Variants in SYT1 observed in about 807,000 individuals in gnomAD.
The protein encoded by SYT1 is synaptotagmin-1.
In SYT1, 8 loss-of-function variants were observed where a neutral mutation model predicts 44.8. The observed-to-expected ratio is 0.18, with a 90% CI of 0.10 to 0.32. The LOEUF is 0.32. Among genes scored for constraint, SYT1 ranks in the 10% least tolerant of loss-of-function variants. The pLI, the probability that SYT1 is intolerant of heterozygous loss-of-function variation, is 1.00. For synonymous variants in SYT1, 154 were observed against 188.8 expected (o/e 0.82, Z 1.51); for missense variants, 286 against 509.3 (o/e 0.56, Z 4.22).
chr12:79,293,159 A>C (rs1318088352), intron 6 of SYT1, among the ~76,000 whole-genome samples: 3 of 146,212 alleles, frequency 2.1e-5, no homozygotes, highest in African/African-American at 7.6e-5. Context: ...AAAAATACAA[A>C]AAAAAAAAAA....
intron 1 of SYT1, among the ~76,000 whole-genome samples, chr12:78,919,661 GA>G (rs1211948756): frequency 6.6e-6 from 1 of 151,986 alleles, no homozygotes; most frequent in Non-Finnish European, 1.5e-5. Context: ...GGCTTCTAGT[GA>G]AGGCATTTCT....
intron 1 of SYT1, among the ~76,000 whole-genome samples, chr12:78,897,477 A>G (rs1477615210): frequency 6.6e-6 from 1 of 151,984 alleles, no homozygotes; most frequent in Non-Finnish European, 1.5e-5. Context: ...TCATCATTAC[A>G]TAAATTCTGC....
At chr12:79,149,333 T>A (rs559124046) in intron 3 of SYT1, among the ~76,000 whole-genome samples, 2 of 152,218 alleles carry the variant, frequency 1.3e-5, no homozygotes, top group South Asian at 4.1e-4. Context: ...GAGGTGAAAT[T>A]TCAAATGAAA....
At chr12:79,366,138 T>G (rs1565927737) in intron 9 of SYT1, among the ~76,000 whole-genome samples, 1 of 152,246 alleles carries the variant, frequency 6.6e-6, no homozygotes. Context: ...AGCACTGTCT[T>G]TAATGTAGTG....
intron 2 of SYT1, among the ~76,000 whole-genome samples, chr12:79,024,235 A>G (rs898330134): frequency 6.6e-6 from 1 of 151,694 alleles, no homozygotes; most frequent in African/African-American, 2.4e-5. Context: ...TTTGCTGGGT[A>G]ATGGGATTGA....
At chr12:79,295,791 A>T (rs1235762474) in intron 6 of SYT1, among the ~76,000 whole-genome samples, 1 of 152,190 alleles carries the variant, frequency 6.6e-6, no homozygotes, top group Non-Finnish European at 1.5e-5. Flanking sequence ...TTTTGCAAAA[A>T]TGAACTCCAT....
intron 4 of SYT1, among the ~76,000 whole-genome samples, chr12:79,269,022 A>T (rs1878277417): frequency 6.6e-6 from 1 of 151,972 alleles, no homozygotes; most frequent in Admixed American, 6.6e-5. Flanking sequence ...GCTTTGGAGC[A>T]TACCTCAGAA....
At chr12:78,918,258 G>A (rs1444261556) in intron 1 of SYT1, among the ~76,000 whole-genome samples, 2 of 152,024 alleles carry the variant, frequency 1.3e-5, no homozygotes, top group Non-Finnish European at 2.9e-5. Flanking sequence ...GATTCCTCCA[G>A]GGAAGAGGCC....
At chr12:78,904,133 A>G (rs1159811739) in intron 1 of SYT1, among the ~76,000 whole-genome samples, 1 of 152,104 alleles carries the variant, frequency 6.6e-6, no homozygotes, top group African/African-American at 2.4e-5. Flanking sequence ...TTTTGTTTTT[A>G]TAGTGAAATG....
intron 9 of SYT1, among the ~76,000 whole-genome samples, chr12:79,387,039 T>G (rs1884463472): frequency 6.6e-6 from 1 of 152,318 alleles, no homozygotes; most frequent in Middle Eastern, 3.4e-3. Context: ...GGAAATGAGC[T>G]TGAGATTGGA....
intron 3 of SYT1, among the ~76,000 whole-genome samples, chr12:79,154,435 GA>G (rs1165818051): frequency 1.3e-5 from 2 of 151,128 alleles, no homozygotes; most frequent in East Asian, 3.9e-4. Context: ...TGAGGGATCT[GA>G]GGGACAGAGA....
At chr12:79,135,368 A>G (rs77844891) in intron 3 of SYT1, among the ~76,000 whole-genome samples, 2,382 of 150,830 alleles carry the variant, frequency 0.016, 39 homozygotes, top group Non-Finnish European at 0.02. Context: ...TTTATTTGTC[A>G]ATTATATCTC....
At chr12:79,370,108 C>G (rs1883718812) in intron 9 of SYT1, among the ~76,000 whole-genome samples, 1 of 152,040 alleles carries the variant, frequency 6.6e-6, no homozygotes, top group African/African-American at 2.4e-5. Context: ...AAATGAGTCT[C>G]CGGCAACAGA....
At chr12:79,224,952 T>G (rs893542901) in intron 4 of SYT1, among the ~76,000 whole-genome samples, 2 of 151,776 alleles carry the variant, frequency 1.3e-5, no homozygotes, top group African/African-American at 4.8e-5. Flanking sequence ...GCTAATTTTT[T>G]GTATTTTTAG....
intron 2 of SYT1, among the ~76,000 whole-genome samples, chr12:79,005,442 T>G (rs1033032496): frequency 6.6e-6 from 1 of 152,074 alleles, no homozygotes. Flanking sequence ...AATTCACTCA[T>G]CTACAGTTTC....
intron 3 of SYT1, among the ~76,000 whole-genome samples, chr12:79,126,293 G>T (rs58606742): frequency 1.3e-5 from 2 of 152,272 alleles, no homozygotes; most frequent in East Asian, 3.9e-4. Context: ...ACGGAGTCTC[G>T]CTCTGTTGCC....
At chr12:79,133,078 T>C (rs1158621590) in intron 3 of SYT1, among the ~76,000 whole-genome samples, 2 of 152,146 alleles carry the variant, frequency 1.3e-5, no homozygotes, top group Non-Finnish European at 2.9e-5. Context: ...TGATAGTTAC[T>C]AGAGGCTTGG....
chr12:79,112,540 C>G (rs1447372070), intron 3 of SYT1, among the ~76,000 whole-genome samples: 4 of 151,962 alleles, frequency 2.6e-5, no homozygotes, highest in Non-Finnish European at 4.4e-5. Flanking sequence ...ATTGACCTAC[C>G]AGTGAATACA....
At chr12:78,894,860 T>C (rs371298967) in intron 1 of SYT1, among the ~76,000 whole-genome samples, 7 of 151,664 alleles carry the variant, frequency 4.6e-5, no homozygotes, top group African/African-American at 1.4e-4. Context: ...ATGATGACTG[T>C]GGTTAATAGC....
Sources: allele counts gnomAD v4.1 joint callset (sites outside exome capture counted in the v4.1 genomes callset), GRCh38; gene constraint gnomAD v4.1.1; transcripts MANE v1.5; gene names NCBI Gene and HGNC (gene_info 2026-07-23, HGNC 2026-07-21).